Variants in EPHX4 observed in about 807,000 individuals in gnomAD.
The protein encoded by EPHX4 is epoxide hydrolase 4, also known as abhydrolase domain containing 7.
EPHX4 carries 31 observed loss-of-function variants against 44.9 expected under a neutral mutation model. The ratio of observed to expected loss-of-function variants is 0.69; its 90% CI spans 0.52 to 0.93. The LOEUF (loss-of-function observed/expected upper bound fraction) is 0.93, where lower values mean the gene tolerates loss of function less well. Among genes scored for constraint, EPHX4 ranks in the 40% least tolerant of loss-of-function variants. EPHX4 has a pLI of 0.00. For missense variants in EPHX4, 373 were observed against 438.1 expected (o/e 0.85, Z 1.33); for synonymous variants, 151 against 159.7 (o/e 0.95, Z 0.41).
chr1:92,045,568 G>A lies in EPHX4; in HGVS notation c.512G>A (p.Gly171Glu). Residue 171 changes from glycine (G) to glutamate (E), a missense_variant, in exon 4 of 7, where the codon GGG (glycine) becomes GAG (glutamate). By Grantham distance (98) the Gly-to-Glu change is moderately conservative. Coordinates refer to ENST00000370383, the MANE Select transcript of EPHX4 (RefSeq NM_173567.5). ...TGTGTTCTTATTGGCCATGACTGGG[G>A]GGGCATGATTGCTTGGCTAATTGCC... ...SKCVLIGHDW[G>E]GMIAWLIAIC... 1.9e-6 allele frequency: 3 copies of A among 1,613,986 alleles called. No individual in the cohort carries two copies. Among genetic ancestry groups the A allele is most frequent in the Non-Finnish European group, 2.5e-6 (3 of 1,179,978 alleles).
chr1:92,042,743 A>AAAT, intron 2 of EPHX4, 80 bp from the exon 3 acceptor site: 1 of 1,262,832 alleles, frequency 7.9e-7, no homozygotes, highest in Non-Finnish European at 1.1e-6. Flanking sequence ...AAAAAAAAAA[A>AAAT]GAAAGGAAAA....
intron 2 of EPHX4, among the ~76,000 whole-genome samples, chr1:92,033,303 C>A (rs572413148): frequency 6.6e-6 from 1 of 152,050 alleles, no homozygotes; most frequent in South Asian, 2.1e-4. Context: ...GGTCTTTTTC[C>A]TCCTAAAAAG....
intron 2 of EPHX4, among the ~76,000 whole-genome samples, chr1:92,040,026 C>T (rs920089106): frequency 1.3e-5 from 2 of 152,070 alleles, no homozygotes; most frequent in African/African-American, 2.4e-5. Context: ...TTAACATTTT[C>T]AAATCCATCT....
At position 92,045,602 on chromosome 1, in the gene EPHX4, T is replaced by C. The variant is rs1413082790; in HGVS notation, c.546T>C (p.Tyr182=). The C allele has an allele frequency of 1.2e-6, 2 of 1,614,088 alleles. No homozygotes were observed. The highest frequency in any genetic ancestry group is 1.6e-4 in the Middle Eastern group (1 of 6,062). Residue 182 remains tyrosine (Y), a synonymous_variant, in exon 4 of 7, where the codon TAT becomes TAC. Transcript: ENST00000370383. ...GMIAWLIAIC[Y]PEMVMKLIVI... is the part of the protein sequence containing the mutation. ...TTGCTTGGCTAATTGCCATCTGTTA[T>C]CCTGAAATGGTGATGAAGCTTATTG... is the stretch of plus-strand genomic sequence containing the variant.
intron 4 of EPHX4, among the ~76,000 whole-genome samples, chr1:92,049,586 T>C (rs1020676239): frequency 2.0e-5 from 3 of 152,230 alleles, no homozygotes; most frequent in Non-Finnish European, 4.4e-5. Flanking sequence ...TCAATGAATT[T>C]ATAGGAAAAA....
chr1:92,031,555 C>G (rs1456366878), intron 1 of EPHX4, among the ~76,000 whole-genome samples: 2 of 152,194 alleles, frequency 1.3e-5, no homozygotes, highest in Non-Finnish European at 1.5e-5. Flanking sequence ...CAGCCCTGCT[C>G]TCAACCATTT....
chr1:92,039,235 G>A (rs933213404), intron 2 of EPHX4, among the ~76,000 whole-genome samples: 3 of 152,268 alleles, frequency 2.0e-5, no homozygotes, highest in East Asian at 1.9e-4. Flanking sequence ...TTTCAGCAAC[G>A]AAATGACATG....
At position 92,030,316 on chromosome 1, in the gene EPHX4, G is replaced by A; in HGVS notation, c.231+6G>A. On this transcript the variant is annotated splice_donor_region_variant and intron_variant, in intron 1 of 6. Transcript: ENST00000370383. The stretch of plus-strand genomic sequence containing the variant: ...ACTGCTACGTGCGGATCAAGGTGAA[G>A]GGCCGCGCGGGCCTGGCGGGAGCGG... The A allele has an allele frequency of 6.6e-7, 1 of 1,521,954 alleles. No individual in the cohort carries two copies. The highest frequency in any genetic ancestry group is 2.5e-5 in the East Asian group (1 of 39,528). The allele number at this position is 1,521,954 out of a possible 1,614,324, so 94.3% of individuals were successfully genotyped here.
At chr1:92,045,749 G>T (rs1688573547) in intron 4 of EPHX4, 89 bp downstream of exon 4, 1 of 1,456,972 alleles carries the variant, frequency 6.9e-7, no homozygotes, top group Non-Finnish European at 9.5e-7. Flanking sequence ...GCAAAATTTG[G>T]TTACTATCAT....
chr1:92,050,205 T>C (rs1478803979), intron 4 of EPHX4, 112 bp from the exon 5 acceptor site: 17 of 666,308 alleles, frequency 2.6e-5, no homozygotes, highest in Middle Eastern at 3.2e-4. Flanking sequence ...GCCTTACTTA[T>C]GGATTCTTTT....
At chr1:92,036,326 G>A (rs547951442) in intron 2 of EPHX4, among the ~76,000 whole-genome samples, 52 of 152,104 alleles carry the variant, frequency 3.4e-4, no homozygotes, top group African/African-American at 1.0e-3. Context: ...GATTTTGTGC[G>A]TGTTTTTCAC....
intron 2 of EPHX4, among the ~76,000 whole-genome samples, chr1:92,034,841 G>C (rs970523171): frequency 1.3e-5 from 2 of 151,982 alleles, no homozygotes; most frequent in Non-Finnish European, 2.9e-5. Flanking sequence ...GTTTTACCAT[G>C]TTAAACAGGC....
At chr1:92,058,187 A>G (rs1025223231) in intron 6 of EPHX4, among the ~76,000 whole-genome samples, 47 of 152,152 alleles carry the variant, frequency 3.1e-4, no homozygotes, top group South Asian at 8.3e-4. Flanking sequence ...CACACCTGTA[A>G]TCCCAGCATT....
intron 6 of EPHX4, 66 bp from the exon 7 acceptor site, chr1:92,062,989 C>T: frequency 7.4e-7 from 1 of 1,352,536 alleles, no homozygotes; most frequent in South Asian, 1.3e-5. Context: ...CCTACTGGGG[C>T]ACTATAGGAA....
chr1:92,034,924 G>A (rs545128098), intron 2 of EPHX4, among the ~76,000 whole-genome samples: 1 of 152,184 alleles, frequency 6.6e-6, no homozygotes, highest in Non-Finnish European at 1.5e-5. Context: ...GATTACAGGT[G>A]TGAGCCACTG....
chr1:92,049,223 C>T (rs1280577415), intron 4 of EPHX4, among the ~76,000 whole-genome samples: 3 of 152,044 alleles, frequency 2.0e-5, no homozygotes, highest in African/African-American at 7.2e-5. Flanking sequence ...CTGGAATGTA[C>T]CAAGCCCAGG....
chr1:92,030,483 T>TGTGTGTGTGTGTGTGTGTGTGTGA (rs745435867), intron 1 of EPHX4, among the ~76,000 whole-genome samples, 173 bp downstream of exon 1: 1,921 of 138,348 alleles, frequency 0.014, 75 homozygotes, highest in Non-Finnish European at 0.017. Flanking sequence ...TGTGTGTGTG[T>TGTGTGTGTGTGTGTGTGTGTGTGA]GTGAGAGAGA....
chr1:92,038,364 C>T (rs1035883808), intron 2 of EPHX4, among the ~76,000 whole-genome samples: 4 of 152,122 alleles, frequency 2.6e-5, no homozygotes, highest in East Asian at 1.9e-4. Context: ...AATTTGGGAC[C>T]GTTAGCTGTC....
intron 2 of EPHX4, among the ~76,000 whole-genome samples, chr1:92,042,223 T>C (rs1188584461): frequency 1.3e-5 from 2 of 151,786 alleles, no homozygotes; most frequent in African/African-American, 4.8e-5. Flanking sequence ...TATTAAGACA[T>C]ATATAAGTAC....
Sources: allele counts gnomAD v4.1 joint callset (sites outside exome capture counted in the v4.1 genomes callset), GRCh38; gene constraint gnomAD v4.1.1; transcripts MANE v1.5; gene names NCBI Gene and HGNC (gene_info 2026-07-23, HGNC 2026-07-21).